Variants in SOX21 observed in about 807,000 individuals in gnomAD.
The protein encoded by SOX21 is transcription factor SOX-21.
For synonymous variants in SOX21, 237 were observed against 189.7 expected (o/e 1.25, Z -2.05); for missense variants, 370 against 388.8 (o/e 0.95, Z 0.41).
rs1367241281 is a variant in SOX21 at position 94,711,443 on chromosome 13, C to T, written c.607G>A (p.Gly203Ser). The T allele has an allele frequency of 6.2e-6, 7 of 1,127,696 alleles. No homozygotes were observed. Among genetic ancestry groups the T allele is most frequent in the Non-Finnish European group, 7.6e-6 (7 of 916,876 alleles). The allele number at this position is 1,127,696 out of a possible 1,614,324, so 69.9% of individuals were successfully genotyped here. ...GCCGCCGCCGCGCCGTGGAAGGCGC[C>T]CGCGCCCGCGGTCGGGTAGCCCAGC... is the stretch of plus-strand genomic sequence containing the variant. ...SSLGYPTAGAGAFHGAAAAAA... is the reference protein window; with the variant it reads ...SSLGYPTAGASAFHGAAAAAA... The change falls in exon 1 of 1, where the codon GGC (glycine) becomes AGC (serine). Residue 203 changes from glycine to serine, a missense_variant. Physicochemically the swap from Gly to Ser is moderately conservative, Grantham distance 56. Coordinates refer to ENST00000376945, the MANE Select transcript of SOX21 (RefSeq NM_007084.4).
chr13:94,711,120 G>A lies in SOX21; in HGVS notation c.*99C>T, dbSNP rs1028164035. 8.0e-6 allele frequency: 9 copies of A among 1,124,484 alleles called. No homozygotes were observed. The South Asian group carries it at 2.9e-4, about 37-fold the overall frequency. The allele number at this position is 1,124,484 out of a possible 1,614,324, so 69.7% of individuals were successfully genotyped here. The stretch of plus-strand genomic sequence containing the variant: ...TACATTCTATGTACATACAAACCGG[G>A]CCCCCGGTCGCGGGAGGGCGCACGG... On this transcript the variant is annotated 3_prime_UTR_variant, in exon 1 of 1. Transcript: ENST00000376945.
At position 94,711,045 on chromosome 13, in the gene SOX21, G is replaced by T. The variant is rs1042405306; in HGVS notation, c.*174C>A. The T allele has an allele frequency of 8.4e-6, 5 of 592,516 alleles. No homozygotes were observed. In the African/African-American group the frequency reaches 9.6e-5, roughly 11 times the overall value. The allele number at this position is 592,516 out of a possible 1,614,324, so 36.7% of individuals were successfully genotyped here. On this transcript the variant is annotated 3_prime_UTR_variant, in exon 1 of 1. Coordinates refer to ENST00000376945, the MANE Select transcript of SOX21 (RefSeq NM_007084.4). The stretch of plus-strand genomic sequence containing the variant: ...GGCCTGCTCGCCCGCGCCCTTGCGC[G>T]CTTGGCCACTCCTGCCCCGCCTGGC...
rs1287854006 is a variant in SOX21, at chr13:94,711,536, G to A, written c.514C>T (p.Leu172=). The part of the protein sequence containing the change: ...AAAAAGSPYS[L]LDLGSKMAEI... ...GCCATTTTGGAGCCCAGGTCGAGCA[G>A]CGAGTAGGGGCTGCCCGCGGCGGCG... Residue 172 remains leucine (L), a synonymous_variant, in exon 1 of 1, where the codon CTG becomes TTG. Coordinates refer to ENST00000376945, the MANE Select transcript of SOX21 (RefSeq NM_007084.4). The A allele has an allele frequency of 2.9e-6, 3 of 1,024,336 alleles. No homozygotes were observed. Among genetic ancestry groups the A allele is most frequent in the African/African-American group, 3.5e-5 (2 of 57,696 alleles). The allele number at this position is 1,024,336 out of a possible 1,614,324, so 63.5% of individuals were successfully genotyped here. A position where few individuals can be genotyped will look rare whatever the true frequency, so the allele number is the denominator to read the frequency against.
rs1391088063 is a variant in SOX21 at position 94,709,911 on chromosome 13, C to CT, written c.*1307dup. ...AAACAAAGCTAATAATTGAAGGTTC[C>CT]TTTTTTCTAAAATGTGTTTTATTGC... On this transcript the variant is annotated 3_prime_UTR_variant, in exon 1 of 1. Transcript: ENST00000376945. The CT allele has an allele frequency of 1.3e-5, 2 of 152,056 alleles. No homozygotes were observed. The highest frequency in any genetic ancestry group is 1.9e-4 in the East Asian group (1 of 5,186). The allele number at this position is 152,056 out of a possible 1,614,324, so 9.4% of individuals were successfully genotyped here.
At position 94,712,044 on chromosome 13, in the gene SOX21, G is replaced by A; in HGVS notation, c.6C>T (p.Ser2=). M[S]KPVDHVKRPM... ...GCCGCTTGACGTGGTCCACCGGCTT[G>A]GACATGCTCTCGCCCTGCCGCGGCT... Residue 2 remains serine (S), a synonymous_variant, in exon 1 of 1, where the codon TCC becomes TCT. Coordinates refer to ENST00000376945, the MANE Select transcript of SOX21 (RefSeq NM_007084.4). The surrounding 1 kb of genome is among the most constrained non-coding windows in gnomAD (Gnocchi z 5.0). The A allele has an allele frequency of 6.2e-7, 1 of 1,613,116 alleles. No individual in the cohort carries two copies. Among genetic ancestry groups the A allele is most frequent in the South Asian group, 1.1e-5 (1 of 91,040 alleles).
Position 94,712,252 on chromosome 13 carries a change from C to A in SOX21, c.-203G>T. Reference sequence around the variant, plus strand: ...CCCGGGCCGCCTTAGTGTCTCCGGCCGAGCGCTCGAGCAGGTTGTCTCTGG... The same window carrying A: ...CCCGGGCCGCCTTAGTGTCTCCGGCAGAGCGCTCGAGCAGGTTGTCTCTGG... On this transcript the variant is annotated 5_prime_UTR_variant, in exon 1 of 1. Transcript: ENST00000376945. The surrounding 1 kb of genome is among the most constrained non-coding windows in gnomAD (Gnocchi z 5.0). The A allele has an allele frequency of 8.2e-7, 1 of 1,222,274 alleles. No individual in the cohort carries two copies. Among genetic ancestry groups the A allele is most frequent in the Non-Finnish European group, 1.0e-6 (1 of 984,722 alleles). 75.7% of individuals were successfully genotyped at this position (1,222,274 alleles called of 1,614,324 possible). A position where few individuals can be genotyped will look rare whatever the true frequency, so the allele number is the denominator to read the frequency against.
In SOX21 at chr13:94,711,960, G is replaced by A. The variant is rs939243334; in HGVS notation, c.90C>T (p.Asn30=). Residue 30 remains asparagine (N), a synonymous_variant, in exon 1 of 1, where the codon AAC becomes AAT. Coordinates refer to ENST00000376945, the MANE Select transcript of SOX21 (RefSeq NM_007084.4). Reference sequence around the variant, plus strand: ...TGATCTCCGAGTTGTGCATCTTGGGGTTCTCCTGGGCCATCTTGCGCCGCT... The same window carrying A: ...TGATCTCCGAGTTGTGCATCTTGGGATTCTCCTGGGCCATCTTGCGCCGCT... The part of the protein sequence containing the change: ...RAQRRKMAQE[N]PKMHNSEISK... 1 of 1,614,044 alleles carries A rather than the reference G, an allele frequency of 6.2e-7. No homozygotes were observed. Among genetic ancestry groups the A allele is most frequent in the Non-Finnish European group, 8.5e-7 (1 of 1,179,960 alleles).
In SOX21 at chr13:94,711,559, G is replaced by A. The variant is rs550228217; in HGVS notation, c.491C>T (p.Ala164Val). The A allele has an allele frequency of 1.1e-5, 11 of 1,019,810 alleles. No homozygotes were observed. In the South Asian group the frequency reaches 4.6e-4, roughly 43 times the overall value. The allele number at this position is 1,019,810 out of a possible 1,614,324, so 63.2% of individuals were successfully genotyped here. Residue 164 changes from alanine to valine, a missense_variant, in exon 1 of 1, where the codon GCC becomes GTC. By Grantham distance (64) the Ala-to-Val change is moderately conservative. Transcript: ENST00000376945. The part of the protein sequence containing the change: ...AAAAAAAAAA[A>V]AAGSPYSLLD... Reference sequence around the variant, plus strand: ...CAGCGAGTAGGGGCTGCCCGCGGCGGCGGCGGCGGCGGCAGCGGCGGCGGC... The same window carrying A: ...CAGCGAGTAGGGGCTGCCCGCGGCGACGGCGGCGGCGGCAGCGGCGGCGGC...
Position 94,711,171 on chromosome 13 carries a change from C to T in SOX21, c.*48G>A. ...GGAGGCCGCAGCGCTCGTACCTATA[C>T]ATATGTACACGTGTGCACACCGGTC... On this transcript the variant is annotated 3_prime_UTR_variant, in exon 1 of 1. Transcript: ENST00000376945. The T allele has an allele frequency of 7.9e-7, 1 of 1,265,116 alleles. No homozygotes were observed. The highest frequency in any genetic ancestry group is 9.9e-7 in the Non-Finnish European group (1 of 1,006,994). 78.4% of individuals were successfully genotyped at this position (1,265,116 alleles called of 1,614,324 possible). A position where few individuals can be genotyped will look rare whatever the true frequency, so the allele number is the denominator to read the frequency against.
In SOX21 at chr13:94,711,413, C is replaced by A. The variant is rs1168277697; in HGVS notation, c.637G>T (p.Ala213Ser). 5 of 594,380 alleles carry A rather than the reference C, an allele frequency of 8.4e-6. No homozygotes were observed. The highest frequency in any genetic ancestry group is 1.1e-5 in the Non-Finnish European group (5 of 465,158). The allele number at this position is 594,380 out of a possible 1,614,324, so 36.8% of individuals were successfully genotyped here. Reference protein sequence around the residue: ...GAFHGAAAAAAAAAAAAGGHT... With the variant: ...GAFHGAAAAASAAAAAAGGHT... ...CCCCCGGCGGCGGCGGCCGCCGCTG[C>A]AGCCGCCGCCGCCGCGCCGTGGAAG... Residue 213 changes from alanine to serine, a missense_variant, in exon 1 of 1, where the codon GCA becomes TCA. Ala to Ser is a moderately conservative substitution (Grantham distance 99). Transcript: ENST00000376945.
In SOX21 at chr13:94,711,222, T is replaced by C; in HGVS notation, c.828A>G (p.Leu276=). The change falls in exon 1 of 1, where the codon CTA becomes CTG. Residue 276 remains leucine, a synonymous_variant. Transcript: ENST00000376945. The part of the protein sequence containing the change: ...DPYPAAYAAA[L] ...CTCGCGAGGCGGCCCCGCGGGGTCA[T>C]AGCGCGGCAGCGTAGGCCGCGGGGT... 6.7e-6 allele frequency: 9 copies of C among 1,342,026 alleles called. No individual in the cohort carries two copies. The highest frequency in any genetic ancestry group is 8.6e-6 in the Non-Finnish European group (9 of 1,052,486). 83.1% of individuals were successfully genotyped at this position (1,342,026 alleles called of 1,614,324 possible).
rs1875227080 is a variant in SOX21, at chr13:94,711,228, G to T, written c.822C>A (p.Ala274=). Residue 274 remains alanine, a synonymous_variant, in exon 1 of 1, where the codon GCC becomes GCA. Transcript: ENST00000376945. ...QLDPYPAAYA[A]AL ...AGGCGGCCCCGCGGGGTCATAGCGC[G>T]GCAGCGTAGGCCGCGGGGTAGGGGT... 1.5e-6 allele frequency: 2 copies of T among 1,351,314 alleles called. No homozygotes were observed. Among genetic ancestry groups the T allele is most frequent in the Non-Finnish European group, 1.9e-6 (2 of 1,057,566 alleles). 83.7% of individuals were successfully genotyped at this position (1,351,314 alleles called of 1,614,324 possible).
Position 94,711,748 on chromosome 13 carries a change from C to T in SOX21, c.302G>A (p.Gly101Asp). ...AGGGTGCTCGGCGTCCGCCACGCCG[C>T]CCAGGCCGTAGGGCACCGGGAAGGC... ...KFAFPVPYGL[G>D]GVADAEHPAL... Residue 101 changes from glycine (G) to aspartate (D), a missense_variant, in exon 1 of 1, where the codon GGC (glycine) becomes GAC (aspartate). Transcript: ENST00000376945. The T allele has an allele frequency of 6.2e-7, 1 of 1,612,550 alleles. No homozygotes were observed. The highest frequency in any genetic ancestry group is 8.5e-7 in the Non-Finnish European group (1 of 1,179,540).
Position 94,711,309 on chromosome 13 carries a change from C to T in SOX21, c.741G>A (p.Gly247=). Residue 247 remains glycine (G), a synonymous_variant, in exon 1 of 1, where the codon GGG becomes GGA. Transcript: ENST00000376945. The part of the protein sequence containing the change: ...PCNCSAWPSP[G]LQPPLAYILL... ...GGATGTAGGCGAGCGGCGGCTGCAGCCCGGGGCTGGGCCACGCGCTGCAGT... is the reference window on the plus strand; with the variant it reads ...GGATGTAGGCGAGCGGCGGCTGCAGTCCGGGGCTGGGCCACGCGCTGCAGT... 1 of 1,349,816 alleles carries T rather than the reference C, an allele frequency of 7.4e-7. No homozygotes were observed. The allele number at this position is 1,349,816 out of a possible 1,614,324, so 83.6% of individuals were successfully genotyped here. A position where few individuals can be genotyped will look rare whatever the true frequency, so the allele number is the denominator to read the frequency against.
Position 94,711,419 on chromosome 13 carries a change from C to T in SOX21, c.631G>A (p.Ala211Thr). 2.9e-6 allele frequency: 2 copies of T among 680,018 alleles called. No homozygotes were observed. Among genetic ancestry groups the T allele is most frequent in the Non-Finnish European group, 1.8e-6 (1 of 542,500 alleles). 42.1% of individuals were successfully genotyped at this position (680,018 alleles called of 1,614,324 possible). A position where few individuals can be genotyped will look rare whatever the true frequency, so the allele number is the denominator to read the frequency against. The change falls in exon 1 of 1, where the codon GCG (alanine) becomes ACG (threonine). Residue 211 changes from alanine to threonine, a missense_variant. Physicochemically the swap from Ala to Thr is moderately conservative, Grantham distance 58. Coordinates refer to ENST00000376945, the MANE Select transcript of SOX21 (RefSeq NM_007084.4). ...GAGAFHGAAA[A>T]AAAAAAAAGG... Reference sequence around the variant, plus strand: ...GCGGCGGCGGCCGCCGCTGCAGCCGCCGCCGCCGCGCCGTGGAAGGCGCCC... The same window carrying T: ...GCGGCGGCGGCCGCCGCTGCAGCCGTCGCCGCCGCGCCGTGGAAGGCGCCC...
rs912715178 is a variant in SOX21 at position 94,712,332 on chromosome 13, C to T, written c.-283G>A. 16 of 1,111,812 alleles carry T rather than the reference C, an allele frequency of 1.4e-5. No homozygotes were observed. The African/African-American group carries it at 1.7e-4, about 11-fold the overall frequency. The allele number at this position is 1,111,812 out of a possible 1,614,324, so 68.9% of individuals were successfully genotyped here. ...CCCCGCGGCGGCAGTTTGCCCTTTA[C>T]GTTCTTTGGGTCCTTCGTCTGCAGT... On this transcript the variant is annotated 5_prime_UTR_variant, in exon 1 of 1. Coordinates refer to ENST00000376945, the MANE Select transcript of SOX21 (RefSeq NM_007084.4). The surrounding 1 kb of genome is among the most constrained non-coding windows in gnomAD (Gnocchi z 5.0).
At position 94,712,261 on chromosome 13, in the gene SOX21, G is replaced by A. The variant is rs1742678169; in HGVS notation, c.-212C>T. ...CCTTAGTGTCTCCGGCCGAGCGCTC[G>A]AGCAGGTTGTCTCTGGGACACTCTA... On this transcript the variant is annotated 5_prime_UTR_variant, in exon 1 of 1. Transcript: ENST00000376945. The surrounding 1 kb of genome is among the most constrained non-coding windows in gnomAD (Gnocchi z 5.0). 8.2e-7 allele frequency: 1 copy of A among 1,218,208 alleles called. No homozygotes were observed. 75.5% of individuals were successfully genotyped at this position (1,218,208 alleles called of 1,614,324 possible). A position where few individuals can be genotyped will look rare whatever the true frequency, so the allele number is the denominator to read the frequency against.
Position 94,712,308 on chromosome 13 carries a change from C to T in SOX21, c.-259G>A, listed in dbSNP as rs967096127. Reference sequence around the variant, plus strand: ...TCTAACTTCTCGGCGGTGCCCCCTCCCCGCGGCGGCAGTTTGCCCTTTACG... The same window carrying T: ...TCTAACTTCTCGGCGGTGCCCCCTCTCCGCGGCGGCAGTTTGCCCTTTACG... On this transcript the variant is annotated 5_prime_UTR_variant, in exon 1 of 1. Transcript: ENST00000376945. This position sits in a 1 kb window ranked among gnomAD's most constrained non-coding sequence, Gnocchi z 5.0. 2 of 1,151,602 alleles carry T rather than the reference C, an allele frequency of 1.7e-6. No individual in the cohort carries two copies. Among genetic ancestry groups the T allele is most frequent in the Admixed American group, 4.9e-5 (1 of 20,472 alleles). 71.3% of individuals were successfully genotyped at this position (1,151,602 alleles called of 1,614,324 possible). A position where few individuals can be genotyped will look rare whatever the true frequency, so the allele number is the denominator to read the frequency against.
chr13:94,712,130 G>A lies in SOX21; in HGVS notation c.-81C>T, dbSNP rs1248088099. ...CGGAGGAAATCAATGTTGGCTGCCC[G>A]CGGAGACCCGCTCGGCCGGCCGGGG... On this transcript the variant is annotated 5_prime_UTR_variant, in exon 1 of 1. Coordinates refer to ENST00000376945, the MANE Select transcript of SOX21 (RefSeq NM_007084.4). The surrounding 1 kb of genome is among the most constrained non-coding windows in gnomAD (Gnocchi z 5.0). The A allele has an allele frequency of 6.7e-7, 1 of 1,493,254 alleles. No homozygotes were observed. The highest frequency in any genetic ancestry group is 8.9e-7 in the Non-Finnish European group (1 of 1,125,160). 92.5% of individuals were successfully genotyped at this position (1,493,254 alleles called of 1,614,324 possible).
Sources: gnomAD v4.1 joint callset for allele counts on GRCh38, gnomAD v4.1.1 for gene constraint, Gnocchi (gnomAD v3.1) non-coding constraint, MANE v1.5 for transcripts, NCBI Gene and HGNC (gene_info 2026-07-23, HGNC 2026-07-21) for gene names.